SUPT16H: variants seen among roughly 807,000 people sequenced by gnomAD.
SUPT16H encodes the protein SPT16 homolog, facilitates chromatin remodeling subunit, also known as FACT complex subunit SPT16.
Under a neutral mutation model 136.2 loss-of-function variants are expected in SUPT16H, and 24 were observed. The observed-to-expected ratio is 0.18, with a 90% confidence interval of 0.13 to 0.25. The LOEUF is 0.25. Ranked by LOEUF, SUPT16H falls within the 10% of genes least tolerant of loss-of-function variation. The pLI is 1.00. For synonymous variants in SUPT16H, 415 were observed against 428.2 expected, an observed-to-expected ratio of 0.97 and a Z score of 0.38; for missense variants, 623 against 1,270.2, an observed-to-expected ratio of 0.49 and a Z score of 7.74.
intron 1 of SUPT16H, among the ~76,000 whole-genome samples, chr14:21,374,384 T>C (rs1042355417): frequency 1.3e-5 from 2 of 152,248 alleles, no homozygotes; most frequent in African/African-American, 4.8e-5. Flanking sequence ...GAGACAGAAT[T>C]CACATAAAAT....
At chr14:21,353,606 C>G in intron 24 of SUPT16H, 41 bp from the exon 25 acceptor site, 4 of 1,608,144 alleles carry the variant, frequency 2.5e-6, no homozygotes, top group Non-Finnish European at 3.4e-6. Context: ...CATGCGGGAA[C>G]AGAATGGAAC....
intron 4 of SUPT16H, 94 bp from the exon 5 acceptor site, chr14:21,369,990 G>A: frequency 2.8e-6 from 4 of 1,433,344 alleles, no homozygotes; most frequent in Non-Finnish European, 3.8e-6. Flanking sequence ...TGATATTTCT[G>A]TTATTTAGCA....
chr14:21,364,971 C>T (rs1319032494), intron 9 of SUPT16H, 32 bp from the exon 10 acceptor site: 1 of 1,611,406 alleles, frequency 6.2e-7, no homozygotes, highest in South Asian at 1.1e-5. Context: ...CAGTCTGTGG[C>T]TGTGACAATG....
At position 21,373,444 on chromosome 14, in the gene SUPT16H, G is replaced by T; in HGVS notation, c.67-14C>A. 6.3e-7 allele frequency: 1 copy of T among 1,590,524 alleles called. No individual in the cohort carries two copies. The highest frequency in any genetic ancestry group is 8.6e-7 in the Non-Finnish European group (1 of 1,158,566). On this transcript the variant is annotated splice_polypyrimidine_tract_variant and intron_variant, in intron 1 of 25. Coordinates refer to ENST00000216297, the MANE Select transcript of SUPT16H (RefSeq NM_007192.4). ...ATCTTCTCCTTTCTGAAAAGAGTGG[G>T]TAATCATCACTTAATTTTTCACACT...
At chr14:21,352,969 A>G in intron 25 of SUPT16H, 151 bp from the exon 26 acceptor site, 1 of 1,058,366 alleles carries the variant, frequency 9.4e-7, no homozygotes, top group African/African-American at 1.6e-5. Flanking sequence ...GTTTATTTAC[A>G]AAAGGGAGAA....
At chr14:21,355,892 T>G (rs1886422927) in intron 22 of SUPT16H, among the ~76,000 whole-genome samples, 1 of 152,202 alleles carries the variant, frequency 6.6e-6, no homozygotes, top group Non-Finnish European at 1.5e-5. Flanking sequence ...TAACAATGAC[T>G]AGATTTACTT....
intron 25 of SUPT16H, 44 bp from the exon 26 acceptor site, chr14:21,352,862 G>C: frequency 1.2e-6 from 2 of 1,612,806 alleles, no homozygotes; most frequent in Non-Finnish European, 8.5e-7. Flanking sequence ...GTAAGCTTTA[G>C]GTACCTAATA....
chr14:21,373,889 GGC>G (rs1328682167), intron 1 of SUPT16H, among the ~76,000 whole-genome samples: 1 of 151,964 alleles, frequency 6.6e-6, no homozygotes, highest in Non-Finnish European at 1.5e-5. Context: ...CACCACACCT[GGC>G]TAATTTTTTT....
At chr14:21,365,173 A>G (rs1229973953) in intron 8 of SUPT16H, 30 bp from the exon 9 acceptor site, 1 of 1,590,186 alleles carries the variant, frequency 6.3e-7, no homozygotes, top group South Asian at 1.1e-5. Flanking sequence ...CATCAGCAAA[A>G]GGCTAAAGAT....
At chr14:21,366,995 C>T (rs1185854459) in intron 7 of SUPT16H, among the ~76,000 whole-genome samples, 2 of 152,060 alleles carry the variant, frequency 1.3e-5, no homozygotes, top group Non-Finnish European at 2.9e-5. Context: ...GGCTGGAGTG[C>T]AGTGGCGTGA....
chr14:21,365,212 C>T (rs1886640447), intron 8 of SUPT16H, 69 bp from the exon 9 acceptor site: 6 of 1,397,772 alleles, frequency 4.3e-6, no homozygotes, highest in Middle Eastern at 3.9e-4. Context: ...ATAACATATT[C>T]ATTTCAACTT....
rs146595503 is a variant in SUPT16H, at chr14:21,357,304, G to A, written c.2553C>T (p.His851=). The change falls in exon 22 of 26, where the codon CAC becomes CAT. Residue 851 remains histidine, a synonymous_variant. Coordinates refer to ENST00000216297, the MANE Select transcript of SUPT16H (RefSeq NM_007192.4). ...CGATTACCATATCAAAGTTCTTCAG[G>A]TGAAACTGGACCCGCTCAAAGTGGA... ...ELIHFERVQF[H]LKNFDMVIVY... 3.1e-4 allele frequency: 508 copies of A among 1,613,072 alleles called. 1 individual carries two copies. In the African/African-American group the frequency reaches 5.2e-3, roughly 17 times the overall value.
chr14:21,369,339 T>C lies in SUPT16H; in HGVS notation c.647A>G (p.Lys216Arg). ...GGCCTTTTCCACAGACTCAGCCAGT[T>C]TGCTGTGTCGAACTTTCTGTAAGAG... ...VDADEKVRHSKLAESVEKAIE... is the reference protein window; with the variant it reads ...VDADEKVRHSRLAESVEKAIE... The change falls in exon 6 of 26, where the codon AAA becomes AGA. Residue 216 changes from lysine to arginine, a missense_variant. Lys to Arg is a conservative substitution (Grantham distance 26). This residue lies in a region of SUPT16H where 343 missense variants were observed against 525.7 expected (regional missense o/e 0.65). Coordinates refer to ENST00000216297, the MANE Select transcript of SUPT16H (RefSeq NM_007192.4). 6.2e-7 allele frequency: 1 copy of C among 1,614,200 alleles called. No individual in the cohort carries two copies. The highest frequency in any genetic ancestry group is 8.5e-7 in the Non-Finnish European group (1 of 1,180,008).
At chr14:21,366,814 A>T (rs1229098925) in intron 7 of SUPT16H, among the ~76,000 whole-genome samples, 1 of 151,956 alleles carries the variant, frequency 6.6e-6, no homozygotes, top group East Asian at 1.9e-4. Context: ...ATGCCCAGCT[A>T]ATTTTTTATT....
At chr14:21,367,232 C>T (rs1026684422) in intron 7 of SUPT16H, among the ~76,000 whole-genome samples, 2 of 152,132 alleles carry the variant, frequency 1.3e-5, no homozygotes, top group African/African-American at 4.8e-5. Flanking sequence ...TACCCGGCCC[C>T]GATCCCATTC....
intron 1 of SUPT16H, chr14:21,383,631 C>T (rs756475321): frequency 2.8e-6 from 2 of 707,310 alleles, no homozygotes; most frequent in Non-Finnish European, 5.2e-6. Flanking sequence ...ATGACCAAGG[C>T]TGGCACGCGG....
chr14:21,360,499 C>T lies in SUPT16H; in HGVS notation c.2091G>A (p.Val697=), dbSNP rs1480420981. Residue 697 remains valine (V), a synonymous_variant, in exon 18 of 26, where the codon GTG becomes GTA. Coordinates refer to ENST00000216297, the MANE Select transcript of SUPT16H (RefSeq NM_007192.4). ...GCTTAATATTATTGTACAAAATATC[C>T]ACTTTGTCTCCTCGAACAGATGTGA... is the stretch of plus-strand genomic sequence containing the variant. ...FRFTSVRGDK[V]DILYNNIKHA... The T allele has an allele frequency of 6.2e-7, 1 of 1,613,716 alleles. No homozygotes were observed. The highest frequency in any genetic ancestry group is 1.7e-5 in the Admixed American group (1 of 59,980).
rs1291933170 is a variant in SUPT16H at position 21,362,440 on chromosome 14, A to C, written c.1666-116T>G. ...ATTGACCGCTCTTAACCTTAATCTA[A>C]ATCTAATAAATTTACATAATTTATC... is the stretch of plus-strand genomic sequence containing the variant. On this transcript the variant is annotated intron_variant, in intron 14 of 25. Transcript: ENST00000216297. 14 of 965,506 alleles carry C rather than the reference A, an allele frequency of 1.5e-5. No homozygotes were observed. The Admixed American group carries it at 2.4e-4, about 16-fold the overall frequency. 59.8% of individuals were successfully genotyped at this position (965,506 alleles called of 1,614,324 possible).
intron 21 of SUPT16H, 67 bp from the exon 22 acceptor site, chr14:21,357,433 C>T (rs1389046414): frequency 1.4e-6 from 2 of 1,419,810 alleles, no homozygotes; most frequent in African/African-American, 2.9e-5. Flanking sequence ...TTTCAAATAA[C>T]TTTCATGATC....
Sources: allele counts gnomAD v4.1 joint callset (sites outside exome capture counted in the v4.1 genomes callset), GRCh38; gene constraint gnomAD v4.1.1; regional missense constraint gnomAD v4.1.1; transcripts MANE v1.5; gene names NCBI Gene and HGNC (gene_info 2026-07-23, HGNC 2026-07-21).